The following UGT1A8 variants were observed in gnomAD, a reference collection of about 807,000 sequenced individuals.
The protein encoded by UGT1A8 is UDP glucuronosyltransferase family 1 member A8, also known as UDP-glucuronosyltransferase 1A8.
A neutral mutation model predicts 45.3 loss-of-function variants in UGT1A8; 39 were observed. The ratio of observed to expected loss-of-function variants is 0.86; its 90% CI spans 0.67 to 1.12. The LOEUF is 1.12. Among genes scored for constraint, UGT1A8 ranks in the 50% most tolerant of loss-of-function variants. The pLI, the probability that UGT1A8 is intolerant of heterozygous loss-of-function variation, is 0.00. For synonymous variants in UGT1A8, 275 were observed against 249.2 expected (o/e 1.10, Z -0.97); for missense variants, 719 against 664.9 (o/e 1.08, Z -0.90).
chr2:233,692,069 G>A (rs561422627), intron 1 of UGT1A8: 5 of 151,060 alleles, frequency 3.3e-5, no homozygotes, highest in Admixed American at 6.6e-5. Context: ...GAAGAAAGGA[G>A]AGAGAGATTG....
intron 1 of UGT1A8, among the ~76,000 whole-genome samples, chr2:233,626,381 T>C (rs1030527954): frequency 6.6e-6 from 1 of 152,008 alleles, no homozygotes; most frequent in African/African-American, 2.4e-5. Context: ...CTAATCTCTA[T>C]CAGGTCATCT....
Position 233,769,397 on chromosome 2 carries a change from A to T in UGT1A8, c.1295+958A>T, listed in dbSNP as rs1699854250. ...TCATCCGACAATAGATACTGTGTGC[A>T]TATGTGCGTGTGCGTTTGTGCATGT... is the stretch of plus-strand genomic sequence containing the variant. On this transcript the variant is annotated intron_variant, in intron 4 of 4. Transcript: ENST00000373450. This position sits in a 1 kb window ranked among gnomAD's most constrained non-coding sequence, Gnocchi z 4.4. 1.7e-6 allele frequency: 2 copies of T among 1,148,656 alleles called. No individual in the cohort carries two copies. Among genetic ancestry groups the T allele is most frequent in the East Asian group, 2.5e-5 (1 of 39,850 alleles). 71.2% of individuals were successfully genotyped at this position (1,148,656 alleles called of 1,614,324 possible).
chr2:233,632,646 G>A (rs2073211992), intron 1 of UGT1A8, among the ~76,000 whole-genome samples: 1 of 152,154 alleles, frequency 6.6e-6, no homozygotes, highest in African/African-American at 2.4e-5. Flanking sequence ...CATTATTGGT[G>A]TATAGGAATG....
At chr2:233,738,677 A>C (rs1328958529) in intron 1 of UGT1A8, among the ~76,000 whole-genome samples, 2 of 152,316 alleles carry the variant, frequency 1.3e-5, no homozygotes, top group East Asian at 3.9e-4. Flanking sequence ...AGATGATCTG[A>C]AATTGGAACT....
At chr2:233,654,419 A>G (rs114346341) in intron 1 of UGT1A8, among the ~76,000 whole-genome samples, 2,731 of 152,336 alleles carry the variant, frequency 0.018, 38 homozygotes, top group Non-Finnish European at 0.027. Flanking sequence ...CATAACCTGT[A>G]CTAATCGTAG....
intron 1 of UGT1A8, among the ~76,000 whole-genome samples, chr2:233,765,711 T>TTAATAATAA (rs10664358): frequency 0.012 from 1,790 of 149,272 alleles, 15 homozygotes; most frequent in Middle Eastern, 0.045. Context: ...ATAATAATAA[T>TTAATAATAA]TAATAATAAT....
At chr2:233,734,739 A>C (rs1237187845) in intron 1 of UGT1A8, among the ~76,000 whole-genome samples, 2 of 152,196 alleles carry the variant, frequency 1.3e-5, no homozygotes, top group East Asian at 1.9e-4. Context: ...GTTTCAAAGA[A>C]CATCTTTATT....
At chr2:233,632,997 A>T (rs1466204752) in intron 1 of UGT1A8, among the ~76,000 whole-genome samples, 3 of 152,172 alleles carry the variant, frequency 2.0e-5, no homozygotes, top group Admixed American at 6.5e-5. Context: ...TTATTTTGAG[A>T]TACGTTCCAT....
At chr2:233,722,546 CT>C (rs1401717702) in intron 1 of UGT1A8, among the ~76,000 whole-genome samples, 1 of 152,096 alleles carries the variant, frequency 6.6e-6, no homozygotes, top group East Asian at 1.9e-4. Context: ...ATCCTAGTTT[CT>C]TTTGGTTGAT....
At chr2:233,693,873 G>C (rs2075185682) in intron 1 of UGT1A8, 3 of 1,614,124 alleles carry the variant, frequency 1.9e-6, no homozygotes, top group South Asian at 1.1e-5. Context: ...CAGGTTGGTG[G>C]GTTTATTTCT....
chr2:233,729,564 T>C (rs537662273), intron 1 of UGT1A8: 126 of 1,614,046 alleles, frequency 7.8e-5, no homozygotes, highest in Non-Finnish European at 1.0e-4. Context: ...CTACTTCCTT[T>C]GATGTGGTTT....
At chr2:233,675,651 CAT>C (rs1329015042) in intron 1 of UGT1A8, among the ~76,000 whole-genome samples, 1 of 152,160 alleles carries the variant, frequency 6.6e-6, no homozygotes, top group Admixed American at 6.5e-5. Context: ...AGTTTTCAAA[CAT>C]ACACAATGGA....
intron 1 of UGT1A8, chr2:233,671,865 G>T (rs1344959162): frequency 1.3e-6 from 2 of 1,517,638 alleles, no homozygotes; most frequent in African/African-American, 2.8e-5. Flanking sequence ...TTTTGTGCTG[G>T]TATTTCTCCC....
chr2:233,690,436 C>T (rs1323004872), intron 1 of UGT1A8: 2 of 1,271,186 alleles, frequency 1.6e-6, no homozygotes, highest in African/African-American at 1.5e-5. Flanking sequence ...ATCTTTGGGT[C>T]TCTCCTCTAT....
At chr2:233,679,321 C>T (rs924333147) in intron 1 of UGT1A8, among the ~76,000 whole-genome samples, 1 of 152,212 alleles carries the variant, frequency 6.6e-6, no homozygotes, top group Non-Finnish European at 1.5e-5. Flanking sequence ...ATCCAGAAAA[C>T]GCGTTCTTAT....
intron 1 of UGT1A8, among the ~76,000 whole-genome samples, chr2:233,727,721 C>A (rs2077642533): frequency 6.6e-6 from 1 of 152,216 alleles, no homozygotes; most frequent in Non-Finnish European, 1.5e-5. Context: ...CCTTGCAGAC[C>A]TTCCTTTTCT....
At chr2:233,745,794 G>T (rs1343106553) in intron 1 of UGT1A8, among the ~76,000 whole-genome samples, 1 of 150,980 alleles carries the variant, frequency 6.6e-6, no homozygotes, top group Non-Finnish European at 1.5e-5. Context: ...GGGGGCTGGG[G>T]TCTATCCCAG....
intron 1 of UGT1A8, among the ~76,000 whole-genome samples, chr2:233,666,905 T>C (rs919151377): frequency 3.3e-5 from 5 of 151,950 alleles, no homozygotes; most frequent in African/African-American, 4.8e-5. Flanking sequence ...CGGTGTTTGG[T>C]TTCTTGTCCT....
At chr2:233,707,786 G>T (rs2075987501) in intron 1 of UGT1A8, among the ~76,000 whole-genome samples, 1 of 152,134 alleles carries the variant, frequency 6.6e-6, no homozygotes. Flanking sequence ...TATATACCTA[G>T]GGGTGGAGCT....
Sources: allele counts gnomAD v4.1 joint callset (sites outside exome capture counted in the v4.1 genomes callset), GRCh38; gene constraint gnomAD v4.1.1; non-coding constraint Gnocchi (gnomAD v3.1); transcripts MANE v1.5; gene names NCBI Gene and HGNC (gene_info 2026-07-23, HGNC 2026-07-21).